Variants in GUCY1A2 observed in about 807,000 individuals in gnomAD.
GUCY1A2 encodes the protein guanylate cyclase soluble subunit alpha-2.
GUCY1A2 carries 27 observed loss-of-function variants against 63.5 expected under a neutral mutation model. The observed-to-expected ratio is 0.43, with a 90% CI of 0.31 to 0.59. The LOEUF is 0.59. GUCY1A2 is among the 20% of genes least tolerant of loss of function. The probability of loss-of-function intolerance (pLI) is 0.11; values close to 1 mark genes in which losing one functional copy is unlikely to be tolerated. For missense variants in GUCY1A2, 768 were observed against 913.3 expected (o/e 0.84, Z 2.05); for synonymous variants, 364 against 343.5 (o/e 1.06, Z -0.66).
At chr11:106,710,215 G>A (rs1447851289) in intron 6 of GUCY1A2, among the ~76,000 whole-genome samples, 1 of 47,798 alleles carries the variant, frequency 2.1e-5, no homozygotes, top group Admixed American at 3.7e-4. Flanking sequence ...TTATATACAT[G>A]TATATAATAT....
intron 5 of GUCY1A2, among the ~76,000 whole-genome samples, chr11:106,777,445 CAAA>C (rs34353077): frequency 6.6e-5 from 6 of 91,376 alleles, no homozygotes; most frequent in African/African-American, 1.7e-4. Flanking sequence ...GACTTGGTCT[CAAA>C]AAAAAAAAAA....
chr11:106,927,572 C>CTT (rs200339909), intron 4 of GUCY1A2, among the ~76,000 whole-genome samples: 18 of 146,716 alleles, frequency 1.2e-4, no homozygotes, highest in East Asian at 6.2e-4. Flanking sequence ...TGGAATAAGT[C>CTT]TTTTTTTTTT....
At chr11:106,935,048 C>T (rs1860657362) in intron 4 of GUCY1A2, among the ~76,000 whole-genome samples, 1 of 152,098 alleles carries the variant, frequency 6.6e-6, no homozygotes, top group Non-Finnish European at 1.5e-5. Flanking sequence ...GATTTTAAAA[C>T]AATGATAGTA....
At chr11:106,974,367 T>C (rs918722076) in intron 3 of GUCY1A2, among the ~76,000 whole-genome samples, 1 of 152,108 alleles carries the variant, frequency 6.6e-6, no homozygotes, top group Non-Finnish European at 1.5e-5. Context: ...TTAGAGTTAT[T>C]CCCAGAAAAT....
intron 4 of GUCY1A2, among the ~76,000 whole-genome samples, chr11:106,908,519 G>GT (rs1860245611): frequency 6.6e-6 from 1 of 151,704 alleles, no homozygotes; most frequent in African/African-American, 2.4e-5. Flanking sequence ...GTGAGAGCCG[G>GT]TGACAAAAAA....
At chr11:106,842,400 T>C (rs1859211547) in intron 4 of GUCY1A2, among the ~76,000 whole-genome samples, 2 of 151,976 alleles carry the variant, frequency 1.3e-5, no homozygotes, top group Admixed American at 6.6e-5. Flanking sequence ...GGCCACTATG[T>C]AGTCCCTTTC....
In GUCY1A2 at chr11:106,708,666, T is replaced by C; in HGVS notation, c.1837A>G (p.Met613Val). ...GAGCCTGAGTGAATTCCTATCCTCA[T>C]CTAAAGAAGAATGAAAGAGGAAAAG... ...VLTPDGRPIQ[M>V]RIGIHSGSVL... The change falls in exon 7 of 8, where the codon ATG becomes GTG. Residue 613 changes from methionine (M) to valine (V), a missense_variant and splice_region_variant. Coordinates refer to ENST00000526355, the MANE Select transcript of GUCY1A2 (RefSeq NM_000855.3). 1 of 1,574,690 alleles carries C rather than the reference T, an allele frequency of 6.4e-7. No individual in the cohort carries two copies. The highest frequency in any genetic ancestry group is 8.6e-7 in the Non-Finnish European group (1 of 1,156,924).
intron 4 of GUCY1A2, among the ~76,000 whole-genome samples, chr11:106,926,739 A>G (rs113813279): frequency 1.3e-5 from 2 of 151,982 alleles, no homozygotes; most frequent in Non-Finnish European, 2.9e-5. Context: ...CGGAGGTCAC[A>G]CTGTAAAACA....
At chr11:106,997,539 A>G (rs2120171666) in intron 1 of GUCY1A2, among the ~76,000 whole-genome samples, 1 of 152,176 alleles carries the variant, frequency 6.6e-6, no homozygotes, top group South Asian at 2.1e-4. Flanking sequence ...GGTAAGAGGT[A>G]CAAGGCCCAC....
intron 4 of GUCY1A2, among the ~76,000 whole-genome samples, chr11:106,906,246 A>T (rs542252601): frequency 6.6e-6 from 1 of 152,328 alleles, no homozygotes; most frequent in East Asian, 1.9e-4. Context: ...CAAATTTACA[A>T]GAAAAAAGCA....
rs139705136 is a variant in GUCY1A2, at chr11:106,679,373, A to G, written c.*8176T>C. ...GGCACATTCTGTAAGAGACAGATGGACATTTTTCTGCTCTAAAGTTCCACA... is the reference window on the plus strand; with the variant it reads ...GGCACATTCTGTAAGAGACAGATGGGCATTTTTCTGCTCTAAAGTTCCACA... On this transcript the variant is annotated 3_prime_UTR_variant, in exon 8 of 8. Transcript: ENST00000526355. 147 of 194,434 alleles carry G rather than the reference A, an allele frequency of 7.6e-4. 1 individual carries two copies. The highest frequency in any genetic ancestry group is 3.1e-3 in the African/African-American group (132 of 43,180). The allele number at this position is 194,434 out of a possible 1,614,324, so 12.0% of individuals were successfully genotyped here.
chr11:106,856,570 T>G (rs1859439030), intron 4 of GUCY1A2, among the ~76,000 whole-genome samples: 1 of 152,226 alleles, frequency 6.6e-6, no homozygotes, highest in Non-Finnish European at 1.5e-5. Context: ...TTTCTGTAAC[T>G]AGAAAGTTTC....
intron 1 of GUCY1A2, among the ~76,000 whole-genome samples, chr11:106,999,691 G>A (rs1861587560): frequency 6.6e-6 from 1 of 152,078 alleles, no homozygotes; most frequent in African/African-American, 2.4e-5. Flanking sequence ...GAAAAAGTAT[G>A]TTTCTTGGGG....
In GUCY1A2 at chr11:106,683,998, A is replaced by G; in HGVS notation, c.*3551T>C. ...TTGCTTTATTGCTGGAACTCTTTGG[A>G]GGCATTTGCAAAATTAAAAGTCTTG... On this transcript the variant is annotated 3_prime_UTR_variant, in exon 8 of 8. Coordinates refer to ENST00000526355, the MANE Select transcript of GUCY1A2 (RefSeq NM_000855.3). 5.1e-6 allele frequency: 1 copy of G among 195,146 alleles called. No homozygotes were observed. Among genetic ancestry groups the G allele is most frequent in the Non-Finnish European group, 1.1e-5 (1 of 93,736 alleles). 12.1% of individuals were successfully genotyped at this position (195,146 alleles called of 1,614,324 possible). A position where few individuals can be genotyped will look rare whatever the true frequency, so the allele number is the denominator to read the frequency against.
chr11:106,954,819 C>A (rs984940351), intron 3 of GUCY1A2, among the ~76,000 whole-genome samples: 8 of 152,080 alleles, frequency 5.3e-5, no homozygotes, highest in Admixed American at 5.2e-4. Flanking sequence ...ACTAGGATTG[C>A]AACCCCTGCT....
At chr11:106,734,986 AT>A (rs1180709336) in intron 6 of GUCY1A2, among the ~76,000 whole-genome samples, 1 of 151,896 alleles carries the variant, frequency 6.6e-6, no homozygotes, top group Non-Finnish European at 1.5e-5. Context: ...TTTAATTTTT[AT>A]TTTTTTAATT....
intron 4 of GUCY1A2, among the ~76,000 whole-genome samples, chr11:106,817,180 T>C (rs905388449): frequency 4.6e-5 from 7 of 152,098 alleles, no homozygotes; most frequent in African/African-American, 9.7e-5. Flanking sequence ...AGCTGGGATA[T>C]GATGAAGCAT....
intron 4 of GUCY1A2, among the ~76,000 whole-genome samples, chr11:106,843,733 G>A (rs893366721): frequency 6.6e-6 from 1 of 151,814 alleles, no homozygotes; most frequent in Admixed American, 6.6e-5. Flanking sequence ...CTAGCTAGTT[G>A]GTGACAGAGA....
chr11:106,944,322 C>T (rs909449567), intron 3 of GUCY1A2, among the ~76,000 whole-genome samples: 7 of 151,280 alleles, frequency 4.6e-5, no homozygotes, highest in African/African-American at 1.7e-4. Context: ...GGTGCAGGCC[C>T]GCAGTCCCAG....
Sources: gnomAD v4.1 joint callset for allele counts (sites outside exome capture counted in the v4.1 genomes callset) on GRCh38, gnomAD v4.1.1 for gene constraint, MANE v1.5 for transcripts, NCBI Gene and HGNC (gene_info 2026-07-23, HGNC 2026-07-21) for gene names.